The following FBN1 variants were observed in gnomAD, a reference collection of about 807,000 sequenced individuals.
The protein encoded by FBN1 is fibrillin-1.
Under a neutral mutation model 365.1 loss-of-function variants are expected in FBN1, and 29 were observed. The ratio of observed to expected loss-of-function variants is 0.08; its 90% CI spans 0.06 to 0.11. The LOEUF (loss-of-function observed/expected upper bound fraction) is 0.11, where lower values mean the gene tolerates loss of function less well. Ranked by LOEUF, FBN1 falls within the 10% of genes least tolerant of loss-of-function variation. FBN1 has a pLI of 1.00. For synonymous variants in FBN1, 1,210 were observed against 1,270.5 expected, an observed-to-expected ratio of 0.95 and a Z score of 1.01; for missense variants, 2,476 against 3,703.2, an observed-to-expected ratio of 0.67 and a Z score of 8.60.
rs571101190 is a variant in FBN1 at position 48,519,008 on chromosome 15, C to T, written c.1147+1651G>A. ...TCCAACTGTCCCAAAGTAGGTCTTCCTGCAGGCACCTAAACCTGCTCTAGT... is the reference window on the plus strand; with the variant it reads ...TCCAACTGTCCCAAAGTAGGTCTTCTTGCAGGCACCTAAACCTGCTCTAGT... On this transcript the variant is annotated intron_variant, in intron 10 of 65. Transcript: ENST00000316623. 9.2e-5 allele frequency among the ~76,000 whole-genome samples: 14 copies of T among 152,314 alleles called. No individual in the cohort carries two copies. The East Asian group carries it at 2.7e-3, about 29-fold the overall frequency.
intron 9 of FBN1, among the ~76,000 whole-genome samples, chr15:48,525,126 G>A (rs1197504332): frequency 1.3e-5 from 2 of 149,178 alleles, no homozygotes; most frequent in African/African-American, 5.0e-5. Flanking sequence ...TCGTTCTATC[G>A]CCCAGGCTGG....
chr15:48,532,476 A>ATG lies in FBN1; in HGVS notation c.862+1602_862+1603dup, dbSNP rs149675514. 0.022 allele frequency among the ~76,000 whole-genome samples: 3,239 copies of ATG among 149,030 alleles called. 207 individuals are homozygous for ATG. In the East Asian group the frequency reaches 0.24, roughly 11 times the overall value. On this transcript the variant is annotated intron_variant, in intron 8 of 65. Transcript: ENST00000316623. ...TATATAAAGATATGTGTGTGTGTAT[A>ATG]TGTGTGTGTGTGTGTATATATATAT... is the stretch of plus-strand genomic sequence containing the variant.
intron 44 of FBN1, among the ~76,000 whole-genome samples, chr15:48,454,415 CTT>C (rs1326048323): frequency 1.3e-5 from 2 of 152,170 alleles, no homozygotes; most frequent in Non-Finnish European, 2.9e-5. Context: ...AGAGTTTTGA[CTT>C]TGCTTAGGGG....
intron 35 of FBN1, among the ~76,000 whole-genome samples, chr15:48,471,346 C>A (rs1350013255): frequency 2.0e-5 from 3 of 152,070 alleles, no homozygotes; most frequent in African/African-American, 4.8e-5. Context: ...CTTTAAATAG[C>A]CATGACCACT....
intron 6 of FBN1, among the ~76,000 whole-genome samples, chr15:48,553,184 T>C (rs533401795): frequency 3.9e-5 from 6 of 152,176 alleles, no homozygotes; most frequent in Non-Finnish European, 5.9e-5. Flanking sequence ...TTTTAAATAA[T>C]TGAGATATTT....
chr15:48,566,150 C>T (rs1156469523), intron 6 of FBN1, among the ~76,000 whole-genome samples: 1 of 152,178 alleles, frequency 6.6e-6, no homozygotes, highest in African/African-American at 2.4e-5. Flanking sequence ...AGCAGAATCA[C>T]ACTAATATGT....
rs1417747437 is a variant in FBN1, at chr15:48,466,132, T to C, written c.4748-274A>G. The stretch of plus-strand genomic sequence containing the variant: ...CATGTGTGTGGACTGTTTTATACCT[T>C]ACCTTCATCCCTTATTTCTTTTTAC... On this transcript the variant is annotated intron_variant, in intron 38 of 65. Coordinates refer to ENST00000316623, the MANE Select transcript of FBN1 (RefSeq NM_000138.5). 2.1e-4 allele frequency among the ~76,000 whole-genome samples: 32 copies of C among 152,226 alleles called. 1 individual carries two copies. Among genetic ancestry groups the C allele is most frequent in the Admixed American group, 2.1e-3 (32 of 15,286 alleles).
intron 2 of FBN1, among the ~76,000 whole-genome samples, chr15:48,632,620 A>G (rs141123975): frequency 1.4e-4 from 21 of 152,318 alleles, no homozygotes; most frequent in Non-Finnish European, 2.4e-4. Context: ...AGTGTGGCCA[A>G]AGGTTATTAG....
chr15:48,449,254 T>G (rs1281678829), intron 45 of FBN1, among the ~76,000 whole-genome samples: 1 of 152,206 alleles, frequency 6.6e-6, no homozygotes, highest in African/African-American at 2.4e-5. Context: ...TAGTTAAGAT[T>G]TGGTGCCTTA....
intron 64 of FBN1, among the ~76,000 whole-genome samples, chr15:48,413,465 C>T (rs913415481): frequency 6.6e-6 from 1 of 152,208 alleles, no homozygotes; most frequent in Non-Finnish European, 1.5e-5. Context: ...AGAGAGAACT[C>T]GTTCAGCTGT....
chr15:48,486,424 C>T (rs567605438), intron 29 of FBN1, among the ~76,000 whole-genome samples: 6 of 152,266 alleles, frequency 3.9e-5, no homozygotes, highest in African/African-American at 1.4e-4. Context: ...CACTTTGACT[C>T]GGGGCACAAT....
intron 63 of FBN1, among the ~76,000 whole-genome samples, chr15:48,420,342 A>G (rs77451050): frequency 1.1e-3 from 163 of 152,314 alleles, no homozygotes; most frequent in Middle Eastern, 3.4e-3. Context: ...TGGCTGGCTG[A>G]TATTTTTCAG....
chr15:48,472,328 G>C (rs573831210), intron 35 of FBN1, among the ~76,000 whole-genome samples: 1 of 152,276 alleles, frequency 6.6e-6, no homozygotes, highest in East Asian at 1.9e-4. Context: ...TGCGGCCAAG[G>C]CTGGATGTAC....
At chr15:48,605,092 G>T (rs548151074) in intron 4 of FBN1, among the ~76,000 whole-genome samples, 1 of 152,128 alleles carries the variant, frequency 6.6e-6, no homozygotes, top group Non-Finnish European at 1.5e-5. Context: ...GCCCCAAATT[G>T]ATATACAGGT....
chr15:48,451,096 C>G (rs969354351), intron 45 of FBN1, among the ~76,000 whole-genome samples: 1 of 152,174 alleles, frequency 6.6e-6, no homozygotes, highest in Non-Finnish European at 1.5e-5. Flanking sequence ...ATGATAGTCT[C>G]CTACAAGAAA....
At chr15:48,638,922 C>T (rs1291899972) in intron 2 of FBN1, among the ~76,000 whole-genome samples, 2 of 152,336 alleles carry the variant, frequency 1.3e-5, no homozygotes, top group African/African-American at 4.8e-5. Flanking sequence ...ACCACCCTCA[C>T]ACAAGTCAAG....
At chr15:48,521,318 TTTG>T (rs999750614) in intron 9 of FBN1, among the ~76,000 whole-genome samples, 5 of 152,152 alleles carry the variant, frequency 3.3e-5, no homozygotes, top group South Asian at 2.1e-4. Flanking sequence ...GACATAAGTT[TTTG>T]TTGTTGTTGT....
chr15:48,581,004 T>G lies in FBN1; in HGVS notation c.538+15279A>C, dbSNP rs567508974. Among the ~76,000 whole-genome samples the G allele has an allele frequency of 7.2e-5, 11 of 152,286 alleles. 1 individual carries two copies. The highest frequency in any genetic ancestry group is 2.6e-4 in the African/African-American group (11 of 41,558). On this transcript the variant is annotated intron_variant, in intron 6 of 65. Coordinates refer to ENST00000316623, the MANE Select transcript of FBN1 (RefSeq NM_000138.5). Reference sequence around the variant, plus strand: ...CTTGAACTTGCTGTCATTGAGTAACTGAGGCTGGGTGAGCTCAGAACATCA... The same window carrying G: ...CTTGAACTTGCTGTCATTGAGTAACGGAGGCTGGGTGAGCTCAGAACATCA...
At chr15:48,450,839 C>T (rs928052837) in intron 45 of FBN1, among the ~76,000 whole-genome samples, 46 of 150,962 alleles carry the variant, frequency 3.0e-4, no homozygotes, top group African/African-American at 1.1e-3. Flanking sequence ...AACAGATGCA[C>T]AAAGGAGTAC....
Sources: allele counts gnomAD v4.1 joint callset (sites outside exome capture counted in the v4.1 genomes callset), GRCh38; gene constraint gnomAD v4.1.1; transcripts MANE v1.5; gene names NCBI Gene and HGNC (gene_info 2026-07-23, HGNC 2026-07-21).